The following CCNE2 variants were observed in gnomAD, a reference collection of about 807,000 sequenced individuals.
CCNE2 encodes cyclin E2, also known as G1/S-specific cyclin-E2.
CCNE2 carries 18 observed loss-of-function variants against 56.8 expected under a neutral mutation model. The ratio of observed to expected loss-of-function variants is 0.32; its 90% CI spans 0.22 to 0.47. CCNE2 has a LOEUF of 0.47. CCNE2 is among the 20% of genes least tolerant of loss of function. The pLI, the probability that CCNE2 is intolerant of heterozygous loss-of-function variation, is 1.00. For synonymous variants in CCNE2, 139 were observed against 149.2 expected, an observed-to-expected ratio of 0.93 and a Z score of 0.50; for missense variants, 371 against 467.1, an observed-to-expected ratio of 0.79 and a Z score of 1.90.
chr8:94,892,746 A>T, intron 5 of CCNE2, 72 bp downstream of exon 5: 1 of 804,058 alleles, frequency 1.2e-6, no homozygotes, highest in South Asian at 3.0e-5. Flanking sequence ...AAAGCAAAAG[A>T]CAAAATAGTG....
chr8:94,886,725 A>G (rs1270538652), intron 7 of CCNE2, among the ~76,000 whole-genome samples: 1 of 152,190 alleles, frequency 6.6e-6, no homozygotes, highest in East Asian at 1.9e-4. Context: ...CACCCAACAA[A>G]TAAGGTCTAG....
At position 94,882,306 on chromosome 8, in the gene CCNE2, A is replaced by G; in HGVS notation, c.944-17T>C. ...ACTCCAAACCTAGATAGATAGAAAAAAGTTAGAAAAGCATGAAGGTTGTAC... is the reference window on the plus strand; with the variant it reads ...ACTCCAAACCTAGATAGATAGAAAAGAGTTAGAAAAGCATGAAGGTTGTAC... On this transcript the variant is annotated splice_polypyrimidine_tract_variant and intron_variant, in intron 10 of 11. Coordinates refer to ENST00000308108, the MANE Select transcript of CCNE2 (RefSeq NM_057749.3). 6.4e-7 allele frequency: 1 copy of G among 1,568,486 alleles called. No homozygotes were observed. Among genetic ancestry groups the G allele is most frequent in the Non-Finnish European group, 8.6e-7 (1 of 1,157,298 alleles).
At chr8:94,885,727 CTTTTTTT>C (rs747420459) in intron 7 of CCNE2, among the ~76,000 whole-genome samples, 169 bp from the exon 8 acceptor site, 1 of 114,174 alleles carries the variant, frequency 8.8e-6, no homozygotes. Context: ...CATTTTCTTT[CTTTTTTT>C]TTTTTTTTTT....
rs1816796405 is a variant in CCNE2 at position 94,881,217 on chromosome 8, A to C, written c.*415T>G. On this transcript the variant is annotated 3_prime_UTR_variant, in exon 12 of 12. Transcript: ENST00000308108. Reference sequence around the variant, plus strand: ...AGTCAAGAGTGTAGGAATTTTGAGAATCTAACAACTAGATTCAAAGTACTG... The same window carrying C: ...AGTCAAGAGTGTAGGAATTTTGAGACTCTAACAACTAGATTCAAAGTACTG... 1 of 368,986 alleles carries C rather than the reference A, an allele frequency of 2.7e-6. No individual in the cohort carries two copies. Among genetic ancestry groups the C allele is most frequent in the Non-Finnish European group, 4.8e-6 (1 of 208,366 alleles). The allele number at this position is 368,986 out of a possible 1,614,324, so 22.9% of individuals were successfully genotyped here. A position where few individuals can be genotyped will look rare whatever the true frequency, so the allele number is the denominator to read the frequency against.
chr8:94,885,179 G>C lies in CCNE2; in HGVS notation c.719C>G (p.Pro240Arg). ...ATTTAGCCAGGAGATGATTGTTACA[G>C]GACAAAGTTCCCATTTTAAAGCCTA... ...ILKALKWELC[P>R]VTIISWLNLF... is the part of the protein sequence containing the mutation. The change falls in exon 9 of 12, where the codon CCT (proline) becomes CGT (arginine). Residue 240 changes from proline (P) to arginine (R), a missense_variant. Transcript: ENST00000308108. 2 of 1,613,596 alleles carry C rather than the reference G, an allele frequency of 1.2e-6. No individual in the cohort carries two copies. Among genetic ancestry groups the C allele is most frequent in the Non-Finnish European group, 1.7e-6 (2 of 1,179,750 alleles).
intron 4 of CCNE2, among the ~76,000 whole-genome samples, chr8:94,893,354 A>C (rs1231674119): frequency 6.6e-6 from 1 of 152,078 alleles, no homozygotes; most frequent in Non-Finnish European, 1.5e-5. Context: ...TTTTTAAAAA[A>C]AGTGTGCTCT....
intron 7 of CCNE2, 21 bp from the exon 8 acceptor site, chr8:94,885,579 A>G: frequency 7.5e-7 from 1 of 1,338,486 alleles, no homozygotes; most frequent in South Asian, 1.2e-5. Flanking sequence ...TAATATTTTT[A>G]TTGAGTACAA....
chr8:94,888,505 C>T (rs1817113359), intron 6 of CCNE2, among the ~76,000 whole-genome samples: 1 of 151,748 alleles, frequency 6.6e-6, no homozygotes, highest in African/African-American at 2.4e-5. Context: ...CCATTATCCC[C>T]ATTTTGGAGG....
At chr8:94,882,969 T>C (rs1816883562) in intron 9 of CCNE2, 77 bp from the exon 10 acceptor site, 1 of 1,006,506 alleles carries the variant, frequency 9.9e-7, no homozygotes, top group East Asian at 2.5e-5. Flanking sequence ...ACCTTAGGGA[T>C]CTAGAGATAA....
chr8:94,893,365 G>A (rs1324569420), intron 4 of CCNE2: 1 of 157,682 alleles, frequency 6.3e-6, no homozygotes, highest in Admixed American at 6.7e-5. Context: ...AGTGTGCTCT[G>A]ATACTTTTGA....
chr8:94,881,206 G>GAA lies in CCNE2; in HGVS notation c.*424_*425dup. The GAA allele has an allele frequency of 2.7e-6, 1 of 372,468 alleles. No individual in the cohort carries two copies. The highest frequency in any genetic ancestry group is 4.8e-6 in the Non-Finnish European group (1 of 210,466). The allele number at this position is 372,468 out of a possible 1,614,324, so 23.1% of individuals were successfully genotyped here. A position where few individuals can be genotyped will look rare whatever the true frequency, so the allele number is the denominator to read the frequency against. ...CAAATTGCACTAGTCAAGAGTGTAGGAATTTTGAGAATCTAACAACTAGAT... is the reference window on the plus strand; with the variant it reads ...CAAATTGCACTAGTCAAGAGTGTAGGAAAATTTTGAGAATCTAACAACTAGAT... On this transcript the variant is annotated 3_prime_UTR_variant, in exon 12 of 12. Transcript: ENST00000308108.
At chr8:94,894,686 G>C (rs1817399947) in intron 1 of CCNE2, 1 of 156,374 alleles carries the variant, frequency 6.4e-6, no homozygotes, top group South Asian at 2.0e-4. Flanking sequence ...TTGGAGAGCG[G>C]CGGTGGCGGG....
At chr8:94,884,147 G>T (rs187584107) in intron 9 of CCNE2, among the ~76,000 whole-genome samples, 1 of 152,100 alleles carries the variant, frequency 6.6e-6, no homozygotes, top group African/African-American at 2.4e-5. Flanking sequence ...TTCATAATGT[G>T]CTAGATTTAA....
intron 5 of CCNE2, chr8:94,892,128 C>G: frequency 1.7e-6 from 1 of 575,836 alleles, no homozygotes; most frequent in Non-Finnish European, 3.2e-6. Flanking sequence ...AAAATAAATG[C>G]AATTAAAAGT....
At chr8:94,891,146 T>C (rs1401023883) in intron 5 of CCNE2, 1 of 152,312 alleles carries the variant, frequency 6.6e-6, no homozygotes, top group Admixed American at 6.5e-5. Flanking sequence ...AAGGGAGTGC[T>C]TTCTAGTTCC....
upstream of CCNE2, among the ~76,000 whole-genome samples, chr8:94,895,423 G>A (rs1210505860): frequency 3.3e-5 from 5 of 152,110 alleles, no homozygotes; most frequent in Non-Finnish European, 5.9e-5. Flanking sequence ...CCACGGCGCG[G>A]CCGGCGGCGG....
At chr8:94,882,702 G>T in intron 10 of CCNE2, 79 bp downstream of exon 10, 3 of 938,556 alleles carry the variant, frequency 3.2e-6, no homozygotes, top group Non-Finnish European at 3.3e-6. Flanking sequence ...TGCATGTTTA[G>T]CAGAATGTTA....
At chr8:94,883,598 A>C (rs1157363809) in intron 9 of CCNE2, 2 of 242,556 alleles carry the variant, frequency 8.2e-6, no homozygotes, top group African/African-American at 4.4e-5. Context: ...TCTAGATTGG[A>C]TCACAAAGGG....
At chr8:94,887,676 T>C (rs1817088917) in intron 7 of CCNE2, among the ~76,000 whole-genome samples, 1 of 152,236 alleles carries the variant, frequency 6.6e-6, no homozygotes, top group Non-Finnish European at 1.5e-5. Context: ...GAATGAGCCA[T>C]GGGACATTTC....
Sources: gnomAD v4.1 joint callset for allele counts (sites outside exome capture counted in the v4.1 genomes callset) on GRCh38, gnomAD v4.1.1 for gene constraint, MANE v1.5 for transcripts, NCBI Gene and HGNC (gene_info 2026-07-23, HGNC 2026-07-21) for gene names.